The following DCDC2C variants were observed in gnomAD, a reference collection of about 807,000 sequenced individuals.
DCDC2C encodes the protein doublecortin domain containing 2C, also known as doublecortin domain-containing protein 2C.
Under a neutral mutation model 45.0 loss-of-function variants are expected in DCDC2C, and 44 were observed. The ratio of observed to expected loss-of-function variants is 0.98; its 90% CI spans 0.77 to 1.26. DCDC2C has a LOEUF of 1.26. Among genes scored for constraint, DCDC2C ranks in the 50% most tolerant of loss-of-function variants. DCDC2C has a pLI of 0.00. For missense variants in DCDC2C, 447 were observed against 468.9 expected (o/e 0.95, Z 0.43); for synonymous variants, 187 against 178.8 (o/e 1.05, Z -0.37).
chr2:3,793,217 G>T (rs57012632), intron 10 of DCDC2C, among the ~76,000 whole-genome samples: 3 of 152,226 alleles, frequency 2.0e-5, no homozygotes, highest in Middle Eastern at 3.4e-3. Context: ...ATACCCAAAC[G>T]CAAATTTACA....
intron 10 of DCDC2C, among the ~76,000 whole-genome samples, chr2:3,790,928 G>A (rs965980040): frequency 2.0e-5 from 3 of 152,076 alleles, no homozygotes; most frequent in African/African-American, 7.2e-5. Flanking sequence ...CTAACATGGC[G>A]AAACCCCGTC....
intron 10 of DCDC2C, among the ~76,000 whole-genome samples, chr2:3,810,697 G>C (rs148164901): frequency 6.6e-6 from 1 of 152,028 alleles, no homozygotes; most frequent in South Asian, 2.1e-4. Context: ...TTTCTTCTAG[G>C]GTTTTTATGG....
chr2:3,813,039 G>GTATATATATA (rs202152340), intron 10 of DCDC2C, among the ~76,000 whole-genome samples: 1 of 87,442 alleles, frequency 1.1e-5, no homozygotes, highest in South Asian at 3.4e-4. Flanking sequence ...TGAGAAGAAC[G>GTATATATATA]TATATATATA....
At chr2:3,837,578 T>C (rs573379588) in intron 10 of DCDC2C, among the ~76,000 whole-genome samples, 9 of 152,142 alleles carry the variant, frequency 5.9e-5, no homozygotes, top group African/African-American at 1.9e-4. Context: ...GAGTTGTGGC[T>C]ATTACAGCAC....
chr2:3,846,142 T>TTCC (rs544744777), intron 10 of DCDC2C, among the ~76,000 whole-genome samples: 1 of 151,938 alleles, frequency 6.6e-6, no homozygotes, highest in South Asian at 2.1e-4. Context: ...CGTCCTCTTC[T>TTCC]TCCTCCTCCT....
chr2:3,716,025 C>T (rs113360822), intron 2 of DCDC2C, among the ~76,000 whole-genome samples: 2,260 of 152,120 alleles, frequency 0.015, 65 homozygotes, highest in African/African-American at 0.052. Flanking sequence ...GAGGGAGAAC[C>T]GACGGTGCAA....
intron 10 of DCDC2C, among the ~76,000 whole-genome samples, chr2:3,800,627 TC>T (rs1671090322): frequency 4.0e-5 from 5 of 124,026 alleles, no homozygotes; most frequent in East Asian, 3.8e-4. Flanking sequence ...CTTGAGATAA[TC>T]GTGTGGCTTC....
intron 2 of DCDC2C, among the ~76,000 whole-genome samples, chr2:3,718,804 T>G (rs1218717057): frequency 6.6e-6 from 1 of 152,188 alleles, no homozygotes; most frequent in African/African-American, 2.4e-5. Flanking sequence ...ACCTTTGCAG[T>G]GAGTGTTACT....
At chr2:3,825,958 G>T (rs562316915) in intron 10 of DCDC2C, among the ~76,000 whole-genome samples, 6 of 152,342 alleles carry the variant, frequency 3.9e-5, no homozygotes, top group Admixed American at 3.3e-4. Context: ...ATTGTTCAGA[G>T]AAAAGAGTTT....
intron 10 of DCDC2C, among the ~76,000 whole-genome samples, chr2:3,806,941 G>T (rs1355602039): frequency 1.3e-5 from 2 of 152,124 alleles, no homozygotes; most frequent in African/African-American, 4.8e-5. Context: ...TTGCGACGGA[G>T]TCCTTGGTGA....
rs930213821 is a variant in DCDC2C at position 3,847,263 on chromosome 2, G to C, written c.*80G>C. The C allele has an allele frequency of 7.8e-6, 8 of 1,022,314 alleles. No individual in the cohort carries two copies. The highest frequency in any genetic ancestry group is 3.5e-4 in the Middle Eastern group (1 of 2,826). The allele number at this position is 1,022,314 out of a possible 1,614,324, so 63.3% of individuals were successfully genotyped here. On this transcript the variant is annotated 3_prime_UTR_variant, in exon 11 of 11. Coordinates refer to ENST00000399143, the MANE Select transcript of DCDC2C (RefSeq NM_001287444.2). ...CACGTCACATATGGACATTTTAACA[G>C]CAAGAAAATCACATGTGGGGTGAAA...
Position 3,847,568 on chromosome 2 carries a change from G to C in DCDC2C, c.*385G>C, listed in dbSNP as rs542418074. On this transcript the variant is annotated 3_prime_UTR_variant, in exon 11 of 11. Transcript: ENST00000399143. ...TAACTTGGAGGTTGTCACAAAAGCA[G>C]GTACTGATAACCTTTGCTATGTAAA... 2.6e-5 allele frequency among the ~76,000 whole-genome samples: 4 copies of C among 152,194 alleles called. No individual in the cohort carries two copies. The highest frequency in any genetic ancestry group is 5.9e-5 in the Non-Finnish European group (4 of 68,012).
intron 10 of DCDC2C, among the ~76,000 whole-genome samples, chr2:3,830,724 C>T (rs1330458078): frequency 1.3e-5 from 2 of 152,140 alleles, no homozygotes; most frequent in African/African-American, 4.8e-5. Context: ...GTGGGATTGA[C>T]CTTGACTCAC....
chr2:3,838,105 C>T (rs1432562593), intron 10 of DCDC2C, among the ~76,000 whole-genome samples: 2 of 151,840 alleles, frequency 1.3e-5, no homozygotes, highest in Non-Finnish European at 2.9e-5. Flanking sequence ...ACTAAGGAGC[C>T]CTTGAAGGTG....
Position 3,727,909 on chromosome 2 carries a change from G to A in DCDC2C, c.416+830G>A, listed in dbSNP as rs60988707. Among the ~76,000 whole-genome samples, 1,443 of 152,290 alleles carry A rather than the reference G, an allele frequency of 9.5e-3. 28 individuals carry two copies. Among genetic ancestry groups the A allele is most frequent in the African/African-American group, 0.03 (1,247 of 41,550 alleles). ...CCAGCCCCCCAGGGCTTGTCACAGC[G>A]TAGCAGTTCTCTGAATGGCAGCTCT... On this transcript the variant is annotated intron_variant, in intron 3 of 10. Coordinates refer to ENST00000399143, the MANE Select transcript of DCDC2C (RefSeq NM_001287444.2).
At chr2:3,797,992 T>C (rs1366592368) in intron 10 of DCDC2C, among the ~76,000 whole-genome samples, 1 of 151,872 alleles carries the variant, frequency 6.6e-6, no homozygotes, top group Non-Finnish European at 1.5e-5. Context: ...CCATTATTAA[T>C]GTATGGGAGT....
intron 10 of DCDC2C, among the ~76,000 whole-genome samples, chr2:3,823,054 A>T (rs1165422230): frequency 6.6e-6 from 1 of 152,158 alleles, no homozygotes; most frequent in Non-Finnish European, 1.5e-5. Flanking sequence ...AAGTCTATTA[A>T]ACTTCTTTCT....
At chr2:3,728,428 C>T (rs774322381) in intron 3 of DCDC2C, among the ~76,000 whole-genome samples, 1 of 152,228 alleles carries the variant, frequency 6.6e-6, no homozygotes, top group Non-Finnish European at 1.5e-5. Flanking sequence ...GCAGAACATA[C>T]AGCAACCTCA....
At chr2:3,760,885 T>C (rs1211734730) in intron 6 of DCDC2C, among the ~76,000 whole-genome samples, 1 of 151,658 alleles carries the variant, frequency 6.6e-6, no homozygotes, top group Non-Finnish European at 1.5e-5. Context: ...GAAAAAAAAA[T>C]CATGAATGCA....
Sources: allele counts gnomAD v4.1 joint callset (sites outside exome capture counted in the v4.1 genomes callset), GRCh38; gene constraint gnomAD v4.1.1; transcripts MANE v1.5; gene names NCBI Gene and HGNC (gene_info 2026-07-23, HGNC 2026-07-21).